The following CCNJL variants were observed in gnomAD, a reference collection of about 807,000 sequenced individuals.
CCNJL encodes the protein cyclin J like.
In CCNJL, 33 loss-of-function variants were observed where a neutral mutation model predicts 33.4. The observed-to-expected ratio is 0.99, with a 90% confidence interval of 0.75 to 1.32. The LOEUF (loss-of-function observed/expected upper bound fraction) is 1.32, where lower values mean the gene tolerates loss of function less well. Among genes scored for constraint, CCNJL ranks in the 40% most tolerant of loss-of-function variants. The pLI is 0.00. For missense variants in CCNJL, 512 were observed against 499.7 expected (o/e 1.02, Z -0.23); for synonymous variants, 227 against 220.9 (o/e 1.03, Z -0.24).
chr5:160,303,723 T>TGTGC (rs1296784885), intron 2 of CCNJL, among the ~76,000 whole-genome samples: 1 of 55,274 alleles, frequency 1.8e-5, no homozygotes, highest in Admixed American at 1.9e-4. Context: ...TGTGTGTGTG[T>TGTGC]GTGTCTGTGT....
At chr5:160,288,697 T>C (rs1446568780) in intron 2 of CCNJL, among the ~76,000 whole-genome samples, 3 of 151,842 alleles carry the variant, frequency 2.0e-5, no homozygotes, top group Admixed American at 2.0e-4. Flanking sequence ...GGTGAAATCC[T>C]GTCTCTACTA....
At chr5:160,330,881 C>T (rs1057155005) in intron 1 of CCNJL, among the ~76,000 whole-genome samples, 3 of 152,168 alleles carry the variant, frequency 2.0e-5, no homozygotes, top group African/African-American at 7.2e-5. Context: ...CCGGGCTAGT[C>T]TCGAACTCTG....
chr5:160,266,689 T>C (rs1227723497), intron 3 of CCNJL, among the ~76,000 whole-genome samples: 1 of 152,166 alleles, frequency 6.6e-6, no homozygotes, highest in Non-Finnish European at 1.5e-5. Flanking sequence ...GCTGTATTAT[T>C]TATTGAACAT....
At chr5:160,318,188 TG>T (rs1218599656) in intron 1 of CCNJL, among the ~76,000 whole-genome samples, 5 of 152,186 alleles carry the variant, frequency 3.3e-5, no homozygotes, top group Non-Finnish European at 5.9e-5. Flanking sequence ...GGCTAATTTT[TG>T]TATTTTTAGT....
At chr5:160,315,185 G>A (rs189230361), upstream of CCNJL, among the ~76,000 whole-genome samples, 384 of 152,160 alleles carry the variant, frequency 2.5e-3, 3 homozygotes, top group African/African-American at 8.7e-3. Context: ...AAATAAAAAG[G>A]ATAAACTGGG....
chr5:160,296,318 A>T (rs958361825), intron 2 of CCNJL, among the ~76,000 whole-genome samples: 1 of 152,340 alleles, frequency 6.6e-6, no homozygotes, highest in East Asian at 1.9e-4. Context: ...TTCAACTGAC[A>T]GTTTCCAGAA....
chr5:160,280,772 A>G lies in CCNJL; in HGVS notation c.67-34T>C, dbSNP rs373884688. The stretch of plus-strand genomic sequence containing the variant: ...CAGGCGGGGCGGAGGGGTGACGGTC[A>G]GGGCTGCCTCCTGAGAGTCTCGGCT... On this transcript the variant is annotated intron_variant, in intron 2 of 5. Transcript: ENST00000257536. 18 of 1,425,198 alleles carry G rather than the reference A, an allele frequency of 1.3e-5. No homozygotes were observed. In the African/African-American group the frequency reaches 2.3e-4, roughly 18 times the overall value. The allele number at this position is 1,425,198 out of a possible 1,614,324, so 88.3% of individuals were successfully genotyped here.
At chr5:160,264,177 G>A (rs901465707) in intron 3 of CCNJL, among the ~76,000 whole-genome samples, 3 of 151,952 alleles carry the variant, frequency 2.0e-5, no homozygotes, top group African/African-American at 4.8e-5. Context: ...TGCCCGCCCC[G>A]GCCTCCCCAA....
intron 5 of CCNJL, 145 bp from the exon 6 acceptor site, chr5:160,253,943 G>A: frequency 1.7e-6 from 1 of 581,026 alleles, no homozygotes; most frequent in Non-Finnish European, 2.9e-6. Flanking sequence ...CTCACTGTGT[G>A]TGGCACCGCT....
intron 3 of CCNJL, among the ~76,000 whole-genome samples, chr5:160,262,267 T>A (rs537849543): frequency 6.6e-6 from 1 of 152,294 alleles, no homozygotes; most frequent in East Asian, 1.9e-4. Context: ...CTGGCAGATG[T>A]GCTCAATCAG....
At chr5:160,317,408 A>G (rs1763392255), upstream of CCNJL, among the ~76,000 whole-genome samples, 1 of 152,228 alleles carries the variant, frequency 6.6e-6, no homozygotes, top group Non-Finnish European at 1.5e-5. Context: ...CCATCCATAT[A>G]GAAAATTTTA....
At chr5:160,327,183 C>T (rs961440939) in intron 1 of CCNJL, among the ~76,000 whole-genome samples, 2 of 151,768 alleles carry the variant, frequency 1.3e-5, no homozygotes, top group African/African-American at 2.4e-5. Context: ...AGCTGTGCCA[C>T]CTATGTGAGC....
intron 3 of CCNJL, among the ~76,000 whole-genome samples, chr5:160,266,046 C>T (rs1227361635): frequency 6.6e-6 from 1 of 152,196 alleles, no homozygotes; most frequent in East Asian, 1.9e-4. Flanking sequence ...AGCCACCAGC[C>T]TACCCTGCAG....
At chr5:160,326,250 G>A (rs888605153) in intron 1 of CCNJL, among the ~76,000 whole-genome samples, 4 of 151,962 alleles carry the variant, frequency 2.6e-5, no homozygotes, top group Non-Finnish European at 5.9e-5. Flanking sequence ...TGAGGCAGGC[G>A]GATCACCTGA....
intron 2 of CCNJL, among the ~76,000 whole-genome samples, chr5:160,294,231 C>T (rs1306605183): frequency 6.6e-6 from 1 of 152,184 alleles, no homozygotes; most frequent in Admixed American, 6.5e-5. Context: ...GCCCCGATTG[C>T]TTCATAAGGC....
At chr5:160,325,700 C>T (rs1763525874) in intron 1 of CCNJL, among the ~76,000 whole-genome samples, 1 of 152,116 alleles carries the variant, frequency 6.6e-6, no homozygotes, top group African/African-American at 2.4e-5. Context: ...ACTGGCAGCC[C>T]ACACTGTATT....
intron 1 of CCNJL, among the ~76,000 whole-genome samples, chr5:160,334,829 A>T (rs1763663148): frequency 6.6e-6 from 1 of 152,234 alleles, no homozygotes; most frequent in Non-Finnish European, 1.5e-5. Flanking sequence ...GGGCTTCCAA[A>T]TCCATGACAA....
In CCNJL at chr5:160,250,081, A is replaced by G. The variant is rs1244543872; in HGVS notation, c.*3297T>C. 2 of 152,158 alleles carry G rather than the reference A, an allele frequency of 1.3e-5. No homozygotes were observed. The highest frequency in any genetic ancestry group is 2.9e-5 in the Non-Finnish European group (2 of 68,030). The allele number at this position is 152,158 out of a possible 1,614,324, so 9.4% of individuals were successfully genotyped here. ...TTCATAGCTGTCCTCCAGCATGGGA[A>G]TTAACACAATCTTACATGGGAGTGC... On this transcript the variant is annotated 3_prime_UTR_variant, in exon 6 of 6. Transcript: ENST00000257536.
At chr5:160,264,379 GT>G (rs1244824486) in intron 3 of CCNJL, among the ~76,000 whole-genome samples, 1 of 152,068 alleles carries the variant, frequency 6.6e-6, no homozygotes, top group Non-Finnish European at 1.5e-5. Context: ...CTTTCTGCAT[GT>G]GGCTGGCTGA....
Sources: allele counts gnomAD v4.1 joint callset (sites outside exome capture counted in the v4.1 genomes callset), GRCh38; gene constraint gnomAD v4.1.1; transcripts MANE v1.5; gene names NCBI Gene and HGNC (gene_info 2026-07-23, HGNC 2026-07-21).